PRKG1: variants seen among roughly 807,000 people sequenced by gnomAD.
PRKG1 encodes the protein cGMP-dependent protein kinase 1.
In PRKG1, 35 loss-of-function variants were observed where a neutral mutation model predicts 88.1. That is an observed-to-expected ratio of 0.40 (90% CI 0.30 to 0.53). The LOEUF is 0.53. Ranked by LOEUF, PRKG1 falls within the 20% of genes least tolerant of loss-of-function variation. The pLI, the probability that PRKG1 is intolerant of heterozygous loss-of-function variation, is 0.59. For synonymous variants in PRKG1, 303 were observed against 292.5 expected, an observed-to-expected ratio of 1.04 and a Z score of -0.37; for missense variants, 540 against 839.8, an observed-to-expected ratio of 0.64 and a Z score of 4.41.
At chr10:52,114,334 G>A (rs1023876889) in intron 7 of PRKG1, among the ~76,000 whole-genome samples, 1 of 151,982 alleles carries the variant, frequency 6.6e-6, no homozygotes, top group African/African-American at 2.4e-5. Context: ...GAATCTCTTT[G>A]AGCTTCAATT....
At chr10:51,743,208 G>C (rs919774840) in intron 3 of PRKG1, among the ~76,000 whole-genome samples, 2 of 152,058 alleles carry the variant, frequency 1.3e-5, no homozygotes, top group African/African-American at 4.8e-5. Context: ...GGACAGACGC[G>C]GTAACAGGGC....
At chr10:51,248,874 ATTC>A (rs1206553519) in intron 2 of PRKG1, among the ~76,000 whole-genome samples, 4 of 151,780 alleles carry the variant, frequency 2.6e-5, no homozygotes, top group Non-Finnish European at 5.9e-5. Context: ...AATAAAATTT[ATTC>A]TTCTTATAAA....
intron 9 of PRKG1, among the ~76,000 whole-genome samples, chr10:52,245,739 G>A (rs1841004937): frequency 6.7e-6 from 1 of 149,680 alleles, no homozygotes; most frequent in African/African-American, 2.5e-5. Flanking sequence ...ATTGGTAGAT[G>A]TTAACACCAT....
In PRKG1 at chr10:51,366,159, A is replaced by C. The variant is rs187127640; in HGVS notation, c.479-101564A>C. On this transcript the variant is annotated intron_variant, in intron 2 of 17. Transcript: ENST00000373980. Reference sequence around the variant, plus strand: ...TTTTTTCTCATTTTATTTCTCTGGTATAATTTCTCTGGTATGATTCCTCAA... The same window carrying C: ...TTTTTTCTCATTTTATTTCTCTGGTCTAATTTCTCTGGTATGATTCCTCAA... 4.6e-5 allele frequency among the ~76,000 whole-genome samples: 7 copies of C among 151,872 alleles called. No homozygotes were observed. In the East Asian group the frequency reaches 1.4e-3, roughly 30 times the overall value.
intron 8 of PRKG1, among the ~76,000 whole-genome samples, chr10:52,147,991 G>A (rs1344528513): frequency 1.3e-5 from 2 of 152,146 alleles, no homozygotes; most frequent in African/African-American, 4.8e-5. Flanking sequence ...ATATAGATTT[G>A]AAGGTCATCG....
At chr10:52,082,889 CAAGA>C (rs1846815534) in intron 7 of PRKG1, among the ~76,000 whole-genome samples, 1 of 151,744 alleles carries the variant, frequency 6.6e-6, no homozygotes, top group African/African-American at 2.4e-5. Context: ...TAATTGATGA[CAAGA>C]AAGAATTATT....
intron 14 of PRKG1, among the ~76,000 whole-genome samples, chr10:52,282,827 A>G (rs935322611): frequency 6.6e-6 from 1 of 152,116 alleles, no homozygotes; most frequent in Non-Finnish European, 1.5e-5. Context: ...CCATATTAAA[A>G]GAACAACAAA....
intron 2 of PRKG1, among the ~76,000 whole-genome samples, chr10:51,334,276 C>A (rs183024411): frequency 1.3e-5 from 2 of 151,468 alleles, no homozygotes; most frequent in African/African-American, 4.9e-5. Flanking sequence ...CAGATCTCAA[C>A]TAAAATGTAA....
At chr10:51,481,868 C>G (rs572365235) in intron 3 of PRKG1, among the ~76,000 whole-genome samples, 1 of 151,974 alleles carries the variant, frequency 6.6e-6, no homozygotes, top group Non-Finnish European at 1.5e-5. Flanking sequence ...GTGAACAGAA[C>G]GTCAAGCTCA....
At chr10:52,212,804 G>T (rs528607852) in intron 9 of PRKG1, among the ~76,000 whole-genome samples, 1 of 152,144 alleles carries the variant, frequency 6.6e-6, no homozygotes. Flanking sequence ...ACCAAGTTTC[G>T]ATTTGGTTTC....
At position 52,066,401 on chromosome 10, in the gene PRKG1, G is replaced by GAT. The variant is rs1438464498; in HGVS notation, c.935+3771_935+3772insTA. Reference sequence around the variant, plus strand: ...GTCCCAAATATTTATATTCTTATTTGAACCCGGTGTCTGGCACTTATCAAA... The same window carrying GAT: ...GTCCCAAATATTTATATTCTTATTTGATAACCCGGTGTCTGGCACTTATCAAA... On this transcript the variant is annotated intron_variant, in intron 7 of 17. Coordinates refer to ENST00000373980, the MANE Select transcript of PRKG1 (RefSeq NM_006258.4). Among the ~76,000 whole-genome samples, 616 of 152,184 alleles carry GAT rather than the reference G, an allele frequency of 4.0e-3. 5 individuals carry two copies. Among genetic ancestry groups the GAT allele is most frequent in the African/African-American group, 0.014 (575 of 41,524 alleles).
At chr10:51,690,904 G>A (rs1228941439) in intron 3 of PRKG1, among the ~76,000 whole-genome samples, 4 of 135,878 alleles carry the variant, frequency 2.9e-5, no homozygotes, top group African/African-American at 5.7e-5. Context: ...CCCCAGCCTG[G>A]CGACAGAGTG....
chr10:51,016,773 A>T (rs1415332016), intron 1 of PRKG1, among the ~76,000 whole-genome samples: 10 of 143,826 alleles, frequency 7.0e-5, no homozygotes, highest in Non-Finnish European at 1.5e-5. Flanking sequence ...GGGTCAAGCG[A>T]TTCTCCTGCC....
intron 3 of PRKG1, among the ~76,000 whole-genome samples, chr10:51,778,181 T>G (rs781271650): frequency 1.3e-5 from 2 of 152,170 alleles, no homozygotes; most frequent in Non-Finnish European, 2.9e-5. Flanking sequence ...AACAGATATA[T>G]AATCTGGAAT....
chr10:51,733,303 T>G (rs1193156433), intron 3 of PRKG1, among the ~76,000 whole-genome samples: 1 of 152,094 alleles, frequency 6.6e-6, no homozygotes, highest in African/African-American at 2.4e-5. Flanking sequence ...TCAAGACAAA[T>G]TCTGGAATGC....
At chr10:51,516,184 G>T (rs922569298) in intron 3 of PRKG1, among the ~76,000 whole-genome samples, 2 of 152,142 alleles carry the variant, frequency 1.3e-5, no homozygotes, top group Admixed American at 1.3e-4. Context: ...AGAGAAGGGA[G>T]CTGGAATGCT....
chr10:52,027,195 C>T (rs1403079488), intron 5 of PRKG1, among the ~76,000 whole-genome samples: 3 of 152,124 alleles, frequency 2.0e-5, no homozygotes, highest in African/African-American at 7.2e-5. Context: ...GATAATCACT[C>T]AAGTGTACTT....
chr10:51,198,881 A>G (rs750282594), intron 2 of PRKG1, among the ~76,000 whole-genome samples: 1 of 152,242 alleles, frequency 6.6e-6, no homozygotes, highest in Non-Finnish European at 1.5e-5. Flanking sequence ...TAATCAATCC[A>G]TGATCTTCCT....
At chr10:51,794,107 A>G (rs182491667) in intron 3 of PRKG1, among the ~76,000 whole-genome samples, 1 of 152,286 alleles carries the variant, frequency 6.6e-6, no homozygotes, top group Non-Finnish European at 1.5e-5. Context: ...AGAAACAAAG[A>G]AGATCATTGT....
Sources: allele counts gnomAD v4.1 joint callset (sites outside exome capture counted in the v4.1 genomes callset), GRCh38; gene constraint gnomAD v4.1.1; transcripts MANE v1.5; gene names NCBI Gene and HGNC (gene_info 2026-07-23, HGNC 2026-07-21).